The following PTPRR variants were observed in gnomAD, a reference collection of about 807,000 sequenced individuals.
The protein encoded by PTPRR is receptor-type tyrosine-protein phosphatase R.
PTPRR carries 38 observed loss-of-function variants against 77.2 expected under a neutral mutation model. That is an observed-to-expected ratio of 0.49 (90% CI 0.38 to 0.65). PTPRR has a LOEUF of 0.65. PTPRR is among the 30% of genes least tolerant of loss of function. The pLI is 0.00. For synonymous variants in PTPRR, 299 were observed against 283.1 expected, an observed-to-expected ratio of 1.06 and a Z score of -0.57; for missense variants, 744 against 799.2, an observed-to-expected ratio of 0.93 and a Z score of 0.83.
intron 1 of PTPRR, among the ~76,000 whole-genome samples, chr12:70,917,784 T>A (rs1893796714): frequency 6.6e-6 from 1 of 152,192 alleles, no homozygotes; most frequent in Non-Finnish European, 1.5e-5. Context: ...ATGGTTATAT[T>A]GAAGGCAACA....
At chr12:70,731,653 G>A (rs920368709) in intron 6 of PTPRR, among the ~76,000 whole-genome samples, 1 of 152,226 alleles carries the variant, frequency 6.6e-6, no homozygotes, top group African/African-American at 2.4e-5. Flanking sequence ...CCGTGAAGGA[G>A]GTGGCAAGTG....
intron 13 of PTPRR, among the ~76,000 whole-genome samples, chr12:70,652,056 G>C (rs1188337034): frequency 6.6e-6 from 1 of 152,164 alleles, no homozygotes; most frequent in Non-Finnish European, 1.5e-5. Context: ...GGAATCTCTG[G>C]ACAGATTCAG....
chr12:70,769,861 C>G (rs1004269944), intron 2 of PTPRR, among the ~76,000 whole-genome samples: 2 of 151,992 alleles, frequency 1.3e-5, no homozygotes, highest in African/African-American at 4.8e-5. Flanking sequence ...CGCCGCATAT[C>G]TACAACTATC....
chr12:70,865,840 G>C lies in PTPRR; in HGVS notation c.357+26839C>G, dbSNP rs565057477. Among the ~76,000 whole-genome samples, 9 of 152,254 alleles carry C rather than the reference G, an allele frequency of 5.9e-5. No homozygotes were observed. In the East Asian group the frequency reaches 1.7e-3, roughly 29 times the overall value. On this transcript the variant is annotated intron_variant, in intron 2 of 13. Coordinates refer to ENST00000283228, the MANE Select transcript of PTPRR (RefSeq NM_002849.4). ...ATATGGCAAGATCTAAGGTGATTGA[G>C]AGAGCACGTATTCTGTCTAAAGAGA...
At chr12:70,788,938 T>C (rs1215475833) in intron 2 of PTPRR, 8 of 1,420,602 alleles carry the variant, frequency 5.6e-6, no homozygotes, top group South Asian at 1.5e-5. Flanking sequence ...TGTGCTGAGA[T>C]GAAGCCTCAT....
At chr12:70,886,610 A>G (rs1197253763) in intron 2 of PTPRR, among the ~76,000 whole-genome samples, 1 of 152,246 alleles carries the variant, frequency 6.6e-6, no homozygotes, top group Non-Finnish European at 1.5e-5. Flanking sequence ...TTGAAAGGTT[A>G]TAGATACAAA....
chr12:70,771,579 T>C (rs762479848), intron 2 of PTPRR, among the ~76,000 whole-genome samples: 5 of 152,184 alleles, frequency 3.3e-5, no homozygotes, highest in Non-Finnish European at 7.4e-5. Context: ...TGGTATATTA[T>C]ATAATAAAGC....
intron 10 of PTPRR, among the ~76,000 whole-genome samples, chr12:70,682,247 G>T (rs1364216858): frequency 2.6e-5 from 4 of 151,386 alleles, no homozygotes; most frequent in African/African-American, 2.4e-5. Context: ...GTTTCACCGT[G>T]TTAGCCAGGA....
chr12:70,707,151 C>G (rs1888648209), intron 6 of PTPRR, among the ~76,000 whole-genome samples: 1 of 152,058 alleles, frequency 6.6e-6, no homozygotes, highest in South Asian at 2.1e-4. Context: ...TTTCATACTT[C>G]AAGTCCTTAA....
rs192472930 is a variant in PTPRR, at chr12:70,860,231, A to G, written c.357+32448T>C. 3.2e-3 allele frequency among the ~76,000 whole-genome samples: 482 copies of G among 152,274 alleles called. 2 individuals are homozygous for G. The highest frequency in any genetic ancestry group is 5.4e-3 in the Non-Finnish European group (366 of 68,000). ...AGAGTCAAACTAAGGAAATGAATGC[A>G]TAAGTACATACATCTTGTGTAAAAT... On this transcript the variant is annotated intron_variant, in intron 2 of 13. Coordinates refer to ENST00000283228, the MANE Select transcript of PTPRR (RefSeq NM_002849.4).
intron 2 of PTPRR, among the ~76,000 whole-genome samples, chr12:70,798,725 C>A (rs761199644): frequency 6.6e-6 from 1 of 152,098 alleles, no homozygotes; most frequent in African/African-American, 2.4e-5. Context: ...CTGCTCTAAT[C>A]ATTTTATCTA....
intron 13 of PTPRR, among the ~76,000 whole-genome samples, chr12:70,645,562 C>A (rs1211647189): frequency 6.6e-6 from 1 of 152,128 alleles, no homozygotes; most frequent in Non-Finnish European, 1.5e-5. Flanking sequence ...CCTAATGATG[C>A]CCCATTCCAT....
At chr12:70,672,001 A>T (rs1254156292) in intron 10 of PTPRR, 11 of 1,306,522 alleles carry the variant, frequency 8.4e-6, no homozygotes, top group Admixed American at 5.1e-5. Context: ...GAGACATGAG[A>T]CTAGTCCAGT....
chr12:70,838,787 A>C (rs1024939267), intron 2 of PTPRR, among the ~76,000 whole-genome samples: 33 of 152,270 alleles, frequency 2.2e-4, no homozygotes, highest in Admixed American at 1.8e-3. Flanking sequence ...TTGTAGCAGA[A>C]GCCAGGGGAA....
At chr12:70,856,222 G>T (rs1228899189) in intron 2 of PTPRR, among the ~76,000 whole-genome samples, 1 of 152,102 alleles carries the variant, frequency 6.6e-6, no homozygotes, top group Non-Finnish European at 1.5e-5. Flanking sequence ...TATAACCCCT[G>T]CATCTAATTA....
chr12:70,834,094 G>C (rs1892261684), intron 2 of PTPRR, among the ~76,000 whole-genome samples: 1 of 152,108 alleles, frequency 6.6e-6, no homozygotes, highest in Admixed American at 6.6e-5. Flanking sequence ...GCTTAGCACT[G>C]GGGCACCAGA....
chr12:70,678,044 G>T (rs1156909351), intron 10 of PTPRR, among the ~76,000 whole-genome samples: 1 of 152,024 alleles, frequency 6.6e-6, no homozygotes, highest in Non-Finnish European at 1.5e-5. Flanking sequence ...TCTTCAATGG[G>T]ATACTTTTTT....
chr12:70,889,200 T>A (rs1385601857), intron 2 of PTPRR, among the ~76,000 whole-genome samples: 1 of 152,168 alleles, frequency 6.6e-6, no homozygotes, highest in African/African-American at 2.4e-5. Context: ...CTTCGGGTAA[T>A]CCACTACACA....
chr12:70,745,064 C>T (rs1261904001), intron 6 of PTPRR, among the ~76,000 whole-genome samples: 1 of 152,086 alleles, frequency 6.6e-6, no homozygotes, highest in Non-Finnish European at 1.5e-5. Flanking sequence ...AAAATAATGT[C>T]ATGGATTTTT....
Sources: gnomAD v4.1 joint callset for allele counts (sites outside exome capture counted in the v4.1 genomes callset) on GRCh38, gnomAD v4.1.1 for gene constraint, MANE v1.5 for transcripts, NCBI Gene and HGNC (gene_info 2026-07-23, HGNC 2026-07-21) for gene names.